Variants in DGKB observed in about 807,000 individuals in gnomAD.
DGKB encodes the protein 90 kDa diacylglycerol kinase.
In DGKB, 67 loss-of-function variants were observed where a neutral mutation model predicts 114.3. The ratio of observed to expected loss-of-function variants is 0.59; its 90% confidence interval spans 0.48 to 0.72. DGKB has a LOEUF of 0.72. Among genes scored for constraint, DGKB ranks in the 30% least tolerant of loss-of-function variants. The pLI is 0.00. For missense variants in DGKB, 907 were observed against 975.2 expected (o/e 0.93, Z 0.93); for synonymous variants, 398 against 323.1 (o/e 1.23, Z -2.49).
intron 2 of DGKB, among the ~76,000 whole-genome samples, chr7:14,810,953 G>T (rs1179098595): frequency 6.6e-6 from 1 of 152,046 alleles, no homozygotes; most frequent in African/African-American, 2.4e-5. Flanking sequence ...TATATTTATG[G>T]GACATTTCAA....
At chr7:14,353,092 A>T (rs1007817715) in intron 21 of DGKB, among the ~76,000 whole-genome samples, 1 of 152,194 alleles carries the variant, frequency 6.6e-6, no homozygotes, top group Non-Finnish European at 1.5e-5. Context: ...GATGCTTCCA[A>T]CATTTCATGG....
At chr7:14,733,276 T>A (rs1831179982) in intron 5 of DGKB, among the ~76,000 whole-genome samples, 1 of 152,240 alleles carries the variant, frequency 6.6e-6, no homozygotes, top group Admixed American at 6.5e-5. Context: ...AGAAAAATGA[T>A]GATAAACATA....
chr7:14,824,301 ATTACG>A (rs1180160368), intron 2 of DGKB, among the ~76,000 whole-genome samples: 1 of 152,136 alleles, frequency 6.6e-6, no homozygotes, highest in Non-Finnish European at 1.5e-5. Flanking sequence ...TAATTGATAA[ATTACG>A]TTTTCACGTT....
intron 1 of DGKB, among the ~76,000 whole-genome samples, chr7:14,961,683 G>A (rs36914): frequency 0.13 from 19,100 of 152,062 alleles, 1,588 homozygotes; most frequent in Non-Finnish European, 0.2. Context: ...TGCTTCACAC[G>A]GAACTCTCCT....
At chr7:14,345,119 C>G (rs896622701) in intron 22 of DGKB, among the ~76,000 whole-genome samples, 182 bp downstream of exon 22, 1 of 151,516 alleles carries the variant, frequency 6.6e-6, no homozygotes, top group Non-Finnish European at 1.5e-5. Flanking sequence ...CTACACTTAA[C>G]TTTAGTATGT....
chr7:14,758,396 T>C (rs1482812128), intron 2 of DGKB, among the ~76,000 whole-genome samples: 1 of 152,078 alleles, frequency 6.6e-6, no homozygotes, highest in Non-Finnish European at 1.5e-5. Context: ...TATAGATATA[T>C]ACATTCAGTC....
chr7:14,479,806 A>G (rs1782721842), intron 20 of DGKB, among the ~76,000 whole-genome samples: 1 of 152,114 alleles, frequency 6.6e-6, no homozygotes, highest in African/African-American at 2.4e-5. Context: ...ATTAATTTTG[A>G]AATGCACTTA....
intron 20 of DGKB, among the ~76,000 whole-genome samples, chr7:14,553,075 C>T (rs551357528): frequency 5.9e-5 from 9 of 152,344 alleles, no homozygotes; most frequent in South Asian, 4.1e-4. Flanking sequence ...AAGAACAATA[C>T]ATGAACCAGA....
rs542125423 is a variant in DGKB, at chr7:14,685,543, T to C, written c.712-181A>G. Among the ~76,000 whole-genome samples, 10 of 152,298 alleles carry C rather than the reference T, an allele frequency of 6.6e-5. No individual in the cohort carries two copies. In the East Asian group the frequency reaches 9.6e-4, roughly 15 times the overall value. ...ACACATGTGCTCCAGTGAAATGAGA[T>C]AGTGCTAACAAATCACCGATGCTAT... is the stretch of plus-strand genomic sequence containing the variant. On this transcript the variant is annotated intron_variant, in intron 9 of 25. Coordinates refer to ENST00000402815, the MANE Select transcript of DGKB (RefSeq NM_001350709.2).
intron 1 of DGKB, among the ~76,000 whole-genome samples, chr7:14,897,416 G>A (rs1000528666): frequency 9.9e-5 from 15 of 151,790 alleles, no homozygotes; most frequent in Non-Finnish European, 1.5e-5. Context: ...CACTATTTAT[G>A]AGCTATGATT....
chr7:14,236,880 C>G (rs1438131140), intron 23 of DGKB, among the ~76,000 whole-genome samples: 1 of 151,806 alleles, frequency 6.6e-6, no homozygotes, highest in Non-Finnish European at 1.5e-5. Context: ...TAACATTAAG[C>G]ACTTTTTTTT....
chr7:14,392,983 T>TTTTG (rs1554404686), intron 21 of DGKB, among the ~76,000 whole-genome samples: 1 of 88,846 alleles, frequency 1.1e-5, no homozygotes, highest in Non-Finnish European at 2.2e-5. Context: ...AACAGACCTG[T>TTTTG]TTTTTGTTTT....
At chr7:14,969,230 A>G (rs1318058072) in intron 1 of DGKB, among the ~76,000 whole-genome samples, 2 of 152,170 alleles carry the variant, frequency 1.3e-5, no homozygotes, top group African/African-American at 2.4e-5. Flanking sequence ...CTTGCAAAAT[A>G]CTGATGCTAA....
At chr7:14,871,380 G>T (rs1213611719) in intron 1 of DGKB, among the ~76,000 whole-genome samples, 1 of 152,266 alleles carries the variant, frequency 6.6e-6, no homozygotes, top group South Asian at 2.1e-4. Flanking sequence ...GCTGGTGGGG[G>T]TTGACAAAAT....
chr7:14,292,690 C>T (rs539130778), intron 23 of DGKB, among the ~76,000 whole-genome samples: 1 of 152,250 alleles, frequency 6.6e-6, no homozygotes, highest in African/African-American at 2.4e-5. Flanking sequence ...AATTGTGCTG[C>T]TACCCCAAGA....
intron 2 of DGKB, among the ~76,000 whole-genome samples, chr7:14,833,708 A>G (rs1007936638): frequency 5.9e-5 from 9 of 152,226 alleles, no homozygotes; most frequent in Middle Eastern, 3.4e-3. Flanking sequence ...ATGCATGCTC[A>G]TACACAAATA....
intron 17 of DGKB, among the ~76,000 whole-genome samples, chr7:14,603,152 G>C (rs553914409): frequency 6.6e-6 from 1 of 152,122 alleles, no homozygotes; most frequent in South Asian, 2.1e-4. Context: ...TTTAATTTTA[G>C]AAGCATGAAT....
chr7:14,390,169 TAG>T lies in DGKB; in HGVS notation c.1836-44780_1836-44779del, dbSNP rs1477687350. On this transcript the variant is annotated intron_variant, in intron 21 of 25. Coordinates refer to ENST00000402815, the MANE Select transcript of DGKB (RefSeq NM_001350709.2). ...ATGATACATACATAAGGGTATTTGCTAGAGAGTCTCTCATTATTCCTACTAGT... is the reference window on the plus strand; with the variant it reads ...ATGATACATACATAAGGGTATTTGCTAGAGTCTCTCATTATTCCTACTAGT... 2.0e-5 allele frequency among the ~76,000 whole-genome samples: 3 copies of T among 152,324 alleles called. No individual in the cohort carries two copies. The East Asian group carries it at 5.8e-4, about 29-fold the overall frequency.
intron 2 of DGKB, among the ~76,000 whole-genome samples, chr7:14,758,684 C>T (rs1352791935): frequency 1.3e-5 from 2 of 152,102 alleles, no homozygotes; most frequent in African/African-American, 4.8e-5. Context: ...GTCAGTGATA[C>T]TTGGACTACC....
Sources: gnomAD v4.1 joint callset for allele counts (sites outside exome capture counted in the v4.1 genomes callset) on GRCh38, gnomAD v4.1.1 for gene constraint, MANE v1.5 for transcripts, NCBI Gene and HGNC (gene_info 2026-07-23, HGNC 2026-07-21) for gene names.